Variants in DPY19L2 observed in about 807,000 individuals in gnomAD.
DPY19L2 encodes the protein dpy-19 like 2.
In DPY19L2, 34 loss-of-function variants were observed where a neutral mutation model predicts 97.9. The observed-to-expected ratio is 0.35, with a 90% CI of 0.26 to 0.46. The LOEUF is 0.46. Ranked by LOEUF, DPY19L2 falls within the 20% of genes least tolerant of loss-of-function variation. The probability of loss-of-function intolerance (pLI) is 1.00; values close to 1 mark genes in which losing one functional copy is unlikely to be tolerated. For missense variants in DPY19L2, 623 were observed against 911.4 expected (o/e 0.68, Z 4.07); for synonymous variants, 230 against 307.9 (o/e 0.75, Z 2.65).
At chr12:63,643,228 T>G (rs1892948601) in intron 6 of DPY19L2, among the ~76,000 whole-genome samples, 1 of 151,996 alleles carries the variant, frequency 6.6e-6, no homozygotes. Flanking sequence ...TTTTTCAAGT[T>G]TTCCAATCCT....
chr12:63,587,596 G>A (rs1417099925), intron 16 of DPY19L2, among the ~76,000 whole-genome samples: 1 of 69,246 alleles, frequency 1.4e-5, no homozygotes, highest in African/African-American at 7.3e-5. Context: ...TTATTATTGA[G>A]ACAGAGCCTC....
upstream of DPY19L2, chr12:63,668,751 T>TCCTCACCTTGCGCGCAGC (rs1896633910): frequency 3.6e-6 from 1 of 274,410 alleles, no homozygotes; most frequent in South Asian, 4.8e-5. Flanking sequence ...ACATGCGCAG[T>TCCTCACCTTGCGCGCAGC]CCTCACCTTG....
intron 6 of DPY19L2, among the ~76,000 whole-genome samples, chr12:63,639,305 T>C (rs1592692234): frequency 6.6e-6 from 1 of 152,070 alleles, no homozygotes; most frequent in South Asian, 2.1e-4. Flanking sequence ...ACTTCATGAC[T>C]AAAACACCAA....
At chr12:63,658,851 C>A (rs187835161) in intron 4 of DPY19L2, among the ~76,000 whole-genome samples, 1 of 152,076 alleles carries the variant, frequency 6.6e-6, no homozygotes, top group South Asian at 2.1e-4. Flanking sequence ...CAAACTAAAC[C>A]ATAATGACAA....
intron 6 of DPY19L2, among the ~76,000 whole-genome samples, chr12:63,630,393 C>CA (rs531205347): frequency 1.5e-3 from 220 of 151,520 alleles, no homozygotes; most frequent in African/African-American, 4.9e-3. Context: ...AAATGGAAAA[C>CA]AAAAAAAGGC....
chr12:63,605,743 A>C (rs1024009069), intron 12 of DPY19L2, among the ~76,000 whole-genome samples: 1 of 152,154 alleles, frequency 6.6e-6, no homozygotes, highest in Non-Finnish European at 1.5e-5. Flanking sequence ...TCAAAAAGAC[A>C]TCCAGCTTAG....
rs746360866 is a variant in DPY19L2, at chr12:63,661,351, T to A, written c.581A>T (p.Tyr194Phe). Residue 194 changes from tyrosine to phenylalanine, a missense_variant, in exon 4 of 22, where the codon TAT (tyrosine) becomes TTT (phenylalanine). This residue lies in a region of DPY19L2 where 84 missense variants were observed against 125.4 expected (regional missense o/e 0.67). Coordinates refer to ENST00000324472, the MANE Select transcript of DPY19L2 (RefSeq NM_173812.5). The part of the protein sequence containing the change: ...IINAIKRFHL[Y>F]PEVIIASWYC... ...TCTCAAATTATGACTCACCTCTGGATAAAGATGGAAGCGTTTTATTGCATT... is the reference window on the plus strand; with the variant it reads ...TCTCAAATTATGACTCACCTCTGGAAAAAGATGGAAGCGTTTTATTGCATT... 5 of 1,578,288 alleles carry A rather than the reference T, an allele frequency of 3.2e-6. No individual in the cohort carries two copies. The Admixed American group carries it at 1.0e-4, about 32-fold the overall frequency.
At chr12:63,665,472 CAAA>C (rs760781422) in intron 2 of DPY19L2, among the ~76,000 whole-genome samples, 1 of 94,824 alleles carries the variant, frequency 1.1e-5, no homozygotes. Flanking sequence ...GACTCTGTCT[CAAA>C]AAAAAAAAAA....
intron 5 of DPY19L2, among the ~76,000 whole-genome samples, chr12:63,645,862 T>C (rs1163565391): frequency 6.6e-6 from 1 of 152,092 alleles, no homozygotes; most frequent in Non-Finnish European, 1.5e-5. Context: ...TACCATTGAC[T>C]AAATAATGTT....
chr12:63,630,916 C>T (rs1433061234), intron 6 of DPY19L2, among the ~76,000 whole-genome samples: 2 of 152,156 alleles, frequency 1.3e-5, no homozygotes, highest in African/African-American at 4.8e-5. Flanking sequence ...AATAAACTCA[C>T]TCAAAACTGC....
chr12:63,668,409 T>C lies in DPY19L2; in HGVS notation c.-16A>G, dbSNP rs192223261. On this transcript the variant is annotated 5_prime_UTR_variant, in exon 1 of 22. Transcript: ENST00000324472. Reference sequence around the variant, plus strand: ...GTTTTCTCATAATCAAGGAGTATGGTGGAGCTGGGTCAATTTCAGGCACAG... The same window carrying C: ...GTTTTCTCATAATCAAGGAGTATGGCGGAGCTGGGTCAATTTCAGGCACAG... 14 of 1,582,966 alleles carry C rather than the reference T, an allele frequency of 8.8e-6. No homozygotes were observed. Among genetic ancestry groups the C allele is most frequent in the Admixed American group, 5.4e-5 (3 of 55,842 alleles).
intron 6 of DPY19L2, among the ~76,000 whole-genome samples, chr12:63,637,107 A>G (rs1396425459): frequency 6.6e-6 from 1 of 152,184 alleles, no homozygotes; most frequent in Non-Finnish European, 1.5e-5. Context: ...AGGGCAATCA[A>G]ACTAGAACTC....
intron 1 of DPY19L2, among the ~76,000 whole-genome samples, chr12:63,666,125 G>A (rs1896307978): frequency 6.6e-6 from 1 of 152,108 alleles, no homozygotes; most frequent in Admixed American, 6.5e-5. Context: ...TGGTAAGAGT[G>A]ATGGAATTAT....
Position 63,570,859 on chromosome 12 carries a change from TG to T in DPY19L2, c.1901-3del. The T allele has an allele frequency of 6.4e-7, 1 of 1,555,926 alleles. No individual in the cohort carries two copies. ...GCATGGCACCTGCAAAGACAGCATC[TG>T]AAAAAAAAAAAAGGATATATTCTTC... is the stretch of plus-strand genomic sequence containing the variant. On this transcript the variant is annotated splice_polypyrimidine_tract_variant and splice_region_variant and intron_variant, in intron 19 of 21. Coordinates refer to ENST00000324472, the MANE Select transcript of DPY19L2 (RefSeq NM_173812.5).
At chr12:63,577,118 A>T (rs1327028790) in intron 19 of DPY19L2, among the ~76,000 whole-genome samples, 2 of 152,076 alleles carry the variant, frequency 1.3e-5, no homozygotes, top group Non-Finnish European at 2.9e-5. Context: ...TGGAGAACCC[A>T]GAAAGAAATC....
At chr12:63,620,555 T>C (rs776076288) in intron 9 of DPY19L2, among the ~76,000 whole-genome samples, 36 of 152,130 alleles carry the variant, frequency 2.4e-4, no homozygotes, top group Admixed American at 1.3e-3. Context: ...AACTAACCAA[T>C]ACAGTAAAAG....
At chr12:63,660,531 T>C (rs1169827638) in intron 4 of DPY19L2, among the ~76,000 whole-genome samples, 1 of 152,000 alleles carries the variant, frequency 6.6e-6, no homozygotes, top group Non-Finnish European at 1.5e-5. Context: ...ATTTTAACTG[T>C]ATTTATAATA....
At chr12:63,632,164 A>T (rs888994643) in intron 6 of DPY19L2, among the ~76,000 whole-genome samples, 1 of 152,184 alleles carries the variant, frequency 6.6e-6, no homozygotes, top group Non-Finnish European at 1.5e-5. Flanking sequence ...CAAGACAGGG[A>T]TGCCCTCTCT....
chr12:63,606,284 C>A (rs1886030469), intron 12 of DPY19L2, among the ~76,000 whole-genome samples: 1 of 151,748 alleles, frequency 6.6e-6, no homozygotes, highest in South Asian at 2.1e-4. Flanking sequence ...CTAGTTTGGA[C>A]CTTTAATAAA....
Sources: allele counts gnomAD v4.1 joint callset (sites outside exome capture counted in the v4.1 genomes callset), GRCh38; gene constraint gnomAD v4.1.1; regional missense constraint gnomAD v4.1.1; transcripts MANE v1.5; gene names NCBI Gene and HGNC (gene_info 2026-07-23, HGNC 2026-07-21).